Variants in GPHN observed in about 807,000 individuals in gnomAD.
The protein encoded by GPHN is gephyrin.
A neutral mutation model predicts 95.5 loss-of-function variants in GPHN; 17 were observed. That is an observed-to-expected ratio of 0.18 (90% confidence interval 0.12 to 0.27). The LOEUF (loss-of-function observed/expected upper bound fraction) is 0.27. Ranked by LOEUF, GPHN falls within the 10% of genes least tolerant of loss-of-function variation. The pLI, the probability that GPHN is intolerant of heterozygous loss-of-function variation, is 1.00. For synonymous variants in GPHN, 320 were observed against 322.5 expected, an observed-to-expected ratio of 0.99 and a Z score of 0.08; for missense variants, 660 against 978.1, an observed-to-expected ratio of 0.67 and a Z score of 4.34.
the GPHN span, among the ~76,000 whole-genome samples, chr14:67,611,498 C>A: frequency 5.9e-5 from 9 of 152,032 alleles, no homozygotes; most frequent in Admixed American, 3.3e-4. Flanking sequence ...AACTCCTGAC[C>A]TCAGGTGATC....
chr14:67,224,308 G>A, the GPHN span, among the ~76,000 whole-genome samples: 1 of 150,398 alleles, frequency 6.6e-6, no homozygotes. Context: ...GCCCAGGCTG[G>A]AGCGCAGTGG....
At chr14:66,962,336 T>C (rs2069010483) in intron 8 of GPHN, among the ~76,000 whole-genome samples, 1 of 150,972 alleles carries the variant, frequency 6.6e-6, no homozygotes, top group Non-Finnish European at 1.5e-5. Flanking sequence ...AGGCAGTTTT[T>C]GTTTTTTTTT....
the GPHN span, among the ~76,000 whole-genome samples, chr14:67,265,040 A>AT: frequency 6.6e-6 from 1 of 151,992 alleles, no homozygotes; most frequent in African/African-American, 2.4e-5. Flanking sequence ...TACTTTGAAG[A>AT]TTTTTTAAAT....
At chr14:67,296,288 T>C in the GPHN span, among the ~76,000 whole-genome samples, 1 of 152,100 alleles carries the variant, frequency 6.6e-6, no homozygotes, top group Non-Finnish European at 1.5e-5. Context: ...TAAGTAAGCA[T>C]AGGACTTAAT....
At chr14:67,219,980 A>T in the GPHN span, among the ~76,000 whole-genome samples, 9 of 152,250 alleles carry the variant, frequency 5.9e-5, no homozygotes, top group Non-Finnish European at 1.2e-4. Flanking sequence ...TGAAAGATGT[A>T]ATATTCTAAG....
At chr14:67,381,681 G>A in the GPHN span, 1 of 1,611,676 alleles carries the variant, frequency 6.2e-7, no homozygotes, top group East Asian at 2.2e-5. Context: ...CAGAAAACAT[G>A]CCCATTAAGG....
At chr14:66,884,081 CAAAAG>C (rs1384050948) in intron 5 of GPHN, among the ~76,000 whole-genome samples, 4 of 151,848 alleles carry the variant, frequency 2.6e-5, no homozygotes, top group Non-Finnish European at 4.4e-5. Context: ...GGACAAAGAG[CAAAAG>C]AAAAGAAAAA....
At chr14:67,373,523 A>G in the GPHN span, among the ~76,000 whole-genome samples, 2 of 152,186 alleles carry the variant, frequency 1.3e-5, no homozygotes, top group African/African-American at 4.8e-5. Context: ...GTCTAGAAAA[A>G]CACCACAGAC....
intron 5 of GPHN, among the ~76,000 whole-genome samples, chr14:66,913,613 T>G (rs925690460): frequency 6.6e-6 from 1 of 152,216 alleles, no homozygotes; most frequent in Non-Finnish European, 1.5e-5. Context: ...GTGCTGGGAT[T>G]ACAGGCATGA....
chr14:67,258,114 G>A, the GPHN span, among the ~76,000 whole-genome samples: 657 of 151,934 alleles, frequency 4.3e-3, 19 homozygotes, highest in East Asian at 0.057. Flanking sequence ...AATGCAGCAC[G>A]TATTGAGTTT....
the GPHN span, among the ~76,000 whole-genome samples, chr14:67,474,589 T>C: frequency 1.1e-4 from 17 of 152,358 alleles, no homozygotes; most frequent in Middle Eastern, 6.8e-3. Context: ...TTTTTAACCA[T>C]GTGTAAGTGT....
At chr14:67,614,759 T>G in the GPHN span, among the ~76,000 whole-genome samples, 3 of 152,104 alleles carry the variant, frequency 2.0e-5, no homozygotes, top group Non-Finnish European at 2.9e-5. Flanking sequence ...TTACATAAAT[T>G]ATATTAAAAC....
chr14:66,542,356 C>A (rs749014060), intron 1 of GPHN, among the ~76,000 whole-genome samples: 19 of 152,016 alleles, frequency 1.2e-4, no homozygotes, highest in Non-Finnish European at 2.2e-4. Context: ...TCAGACCTTC[C>A]AACATCTCAT....
At chr14:66,834,747 T>TC (rs2061725312) in intron 4 of GPHN, among the ~76,000 whole-genome samples, 1 of 151,400 alleles carries the variant, frequency 6.6e-6, no homozygotes, top group Non-Finnish European at 1.5e-5. Context: ...CCGGCTTTGG[T>TC]ATCAGAATGA....
chr14:67,627,199 T>C, the GPHN span, among the ~76,000 whole-genome samples: 8 of 151,008 alleles, frequency 5.3e-5, no homozygotes, highest in East Asian at 7.8e-4. Context: ...ATGAATTTTA[T>C]GGTATGTGAA....
intron 8 of GPHN, among the ~76,000 whole-genome samples, chr14:66,964,708 C>A (rs562356348): frequency 7.9e-5 from 12 of 152,232 alleles, no homozygotes; most frequent in Non-Finnish European, 1.3e-4. Context: ...CCAGATCTTA[C>A]CCTATCCCAA....
At chr14:66,775,647 T>C (rs1179501949) in intron 2 of GPHN, among the ~76,000 whole-genome samples, 5 of 152,298 alleles carry the variant, frequency 3.3e-5, no homozygotes, top group Non-Finnish European at 5.9e-5. Flanking sequence ...TTAAGAAAAA[T>C]TACTGAATGT....
rs79238707 is a variant in GPHN, at chr14:66,738,679, G to A, written c.144-37785G>A. Among the ~76,000 whole-genome samples the A allele has an allele frequency of 2.0e-3, 300 of 152,112 alleles. 5 individuals are homozygous for A. The East Asian group carries it at 0.03, about 15-fold the overall frequency. On this transcript the variant is annotated intron_variant, in intron 2 of 22. Transcript: ENST00000478722. ...TAATTTCATTAAAATATCCAATTCA[G>A]AATCTAAGTAAATAAACTTAAATAT...
chr14:67,641,277 A>G, the GPHN span, among the ~76,000 whole-genome samples: 5 of 152,224 alleles, frequency 3.3e-5, no homozygotes, highest in African/African-American at 1.2e-4. Flanking sequence ...CATCCCTAAG[A>G]TATCTCAATA....
Sources: gnomAD v4.1 joint callset for allele counts (sites outside exome capture counted in the v4.1 genomes callset) on GRCh38, gnomAD v4.1.1 for gene constraint, MANE v1.5 for transcripts, NCBI Gene and HGNC (gene_info 2026-07-23, HGNC 2026-07-21) for gene names.